Variants in OR1J2 observed in about 807,000 individuals in gnomAD.
The protein encoded by OR1J2 is olfactory receptor 1J2.
For missense variants in OR1J2, 304 were observed against 246.1 expected (o/e 1.24, Z -1.57); for synonymous variants, 142 against 99.7 (o/e 1.42, Z -2.52).
the OR1J2 span, among the ~76,000 whole-genome samples, chr9:122,565,924 A>AGG: frequency 6.6e-6 from 1 of 152,178 alleles, no homozygotes; most frequent in Non-Finnish European, 1.5e-5. Context: ...GCTTGGAGTA[A>AGG]AGTAGGTGGA....
the OR1J2 span, among the ~76,000 whole-genome samples, chr9:122,557,217 A>C: frequency 8.1e-4 from 123 of 152,036 alleles, 1 homozygote; most frequent in African/African-American, 2.6e-3. Context: ...TATACTTTTC[A>C]TTTTCTTGTC....
chr9:122,560,626 C>A, the OR1J2 span, among the ~76,000 whole-genome samples: 3,801 of 152,248 alleles, frequency 0.025, 65 homozygotes, highest in Non-Finnish European at 0.036. Flanking sequence ...GTTGAAAATT[C>A]TTCTCTTTAA....
the OR1J2 span, among the ~76,000 whole-genome samples, chr9:122,542,161 A>C: frequency 6.6e-6 from 1 of 152,260 alleles, no homozygotes; most frequent in East Asian, 1.9e-4. Context: ...CATATACCAG[A>C]AGTTTGTTCT....
the OR1J2 span, among the ~76,000 whole-genome samples, chr9:122,530,589 A>C: frequency 1.3e-5 from 2 of 152,180 alleles, no homozygotes; most frequent in Non-Finnish European, 2.9e-5. Flanking sequence ...TGGTAGTGTT[A>C]GGATGCTATG....
the OR1J2 span, among the ~76,000 whole-genome samples, chr9:122,469,997 T>A: frequency 1.3e-5 from 2 of 152,110 alleles, no homozygotes; most frequent in Non-Finnish European, 1.5e-5. Flanking sequence ...GCATAAAAGT[T>A]TGGAAAAATT....
the OR1J2 span, among the ~76,000 whole-genome samples, chr9:122,478,765 T>C: frequency 1.3e-5 from 2 of 152,200 alleles, no homozygotes; most frequent in Non-Finnish European, 2.9e-5. Flanking sequence ...CATACATAAT[T>C]GCTCTGATCT....
chr9:122,540,689 C>G, the OR1J2 span, among the ~76,000 whole-genome samples: 200 of 152,298 alleles, frequency 1.3e-3, no homozygotes, highest in African/African-American at 4.6e-3. Flanking sequence ...GGCATTGAAT[C>G]TATAAATTAC....
At chr9:122,579,233 ATAATCT>A in the OR1J2 span, among the ~76,000 whole-genome samples, 1 of 151,908 alleles carries the variant, frequency 6.6e-6, no homozygotes, top group Non-Finnish European at 1.5e-5. Context: ...ATACAGAATA[ATAATCT>A]TAATAATTAT....
At chr9:122,514,511 C>A (rs1213325619), downstream of OR1J2, among the ~76,000 whole-genome samples, 1 of 152,096 alleles carries the variant, frequency 6.6e-6, no homozygotes, top group Non-Finnish European at 1.5e-5. Flanking sequence ...TTTCTTTATC[C>A]AGTGCACCAT....
the OR1J2 span, among the ~76,000 whole-genome samples, chr9:122,559,994 T>C: frequency 6.6e-6 from 1 of 152,220 alleles, no homozygotes; most frequent in African/African-American, 2.4e-5. Context: ...AAGAACTTGC[T>C]TTATGAGTCT....
At chr9:122,561,384 A>G in the OR1J2 span, among the ~76,000 whole-genome samples, 1 of 152,204 alleles carries the variant, frequency 6.6e-6, no homozygotes, top group South Asian at 2.1e-4. Context: ...CCCTTGCTGG[A>G]GAGGTGTTGT....
chr9:122,563,949 A>G, the OR1J2 span, among the ~76,000 whole-genome samples: 3 of 152,132 alleles, frequency 2.0e-5, no homozygotes, highest in African/African-American at 4.8e-5. Flanking sequence ...TGGGTTGTCT[A>G]TTCTGTTTCA....
chr9:122,526,888 G>A, the OR1J2 span: 16 of 1,614,194 alleles, frequency 9.9e-6, no homozygotes, highest in East Asian at 2.2e-5. Context: ...CAGACTTGGG[G>A]CCTCATGACT....
At chr9:122,568,740 C>T in the OR1J2 span, 4 of 358,224 alleles carry the variant, frequency 1.1e-5, no homozygotes, top group African/African-American at 2.1e-5. Context: ...GAAGTGGACT[C>T]CTCTAATTCA....
chr9:122,544,992 A>G, the OR1J2 span, among the ~76,000 whole-genome samples: 1 of 152,146 alleles, frequency 6.6e-6, no homozygotes, highest in Admixed American at 6.6e-5. Flanking sequence ...ATTTCCCTCT[A>G]AGCACAACTT....
the OR1J2 span, among the ~76,000 whole-genome samples, chr9:122,452,714 C>T: frequency 1.3e-5 from 2 of 151,966 alleles, no homozygotes; most frequent in Admixed American, 1.3e-4. Context: ...GGGGTGTGTT[C>T]TCCTGAATTT....
At chr9:122,537,529 T>C in the OR1J2 span, among the ~76,000 whole-genome samples, 5 of 151,456 alleles carry the variant, frequency 3.3e-5, no homozygotes, top group Admixed American at 2.0e-4. Flanking sequence ...CTATTTGGGC[T>C]CTTTTTTGGT....
chr9:122,460,165 ATG>A, the OR1J2 span, among the ~76,000 whole-genome samples: 125 of 117,108 alleles, frequency 1.1e-3, no homozygotes, highest in African/African-American at 1.3e-3. Context: ...TGGTATGTAT[ATG>A]TGTGTGTGTG....
the OR1J2 span, among the ~76,000 whole-genome samples, chr9:122,485,423 A>T: frequency 6.6e-6 from 1 of 152,192 alleles, no homozygotes; most frequent in Non-Finnish European, 1.5e-5. Flanking sequence ...GAGTGATAGA[A>T]CCATGTCTCT....
Sources: allele counts gnomAD v4.1 joint callset (sites outside exome capture counted in the v4.1 genomes callset), GRCh38; gene constraint gnomAD v4.1.1; transcripts MANE v1.5; gene names NCBI Gene and HGNC (gene_info 2026-07-23, HGNC 2026-07-21).